KCNIP4: variants seen among roughly 807,000 people sequenced by gnomAD.
KCNIP4 encodes the protein potassium voltage-gated channel interacting protein 4, also known as Kv channel-interacting protein 4.
A neutral mutation model predicts 34.0 loss-of-function variants in KCNIP4; 12 were observed. The observed-to-expected ratio is 0.35, with a 90% confidence interval of 0.23 to 0.57. KCNIP4 has a LOEUF of 0.57. Ranked by LOEUF, KCNIP4 falls within the 20% of genes least tolerant of loss-of-function variation. The pLI is 0.83. For missense variants in KCNIP4, 238 were observed against 311.7 expected, an observed-to-expected ratio of 0.76 and a Z score of 1.78; for synonymous variants, 124 against 102.2, an observed-to-expected ratio of 1.21 and a Z score of -1.29.
chr4:21,389,439 A>C (rs949838634), intron 1 of KCNIP4, among the ~76,000 whole-genome samples: 1 of 141,108 alleles, frequency 7.1e-6, no homozygotes, highest in African/African-American at 2.6e-5. Flanking sequence ...TCTCCTAATG[A>C]TATCCCTCCC....
chr4:20,868,609 T>C (rs1017307589), intron 2 of KCNIP4, among the ~76,000 whole-genome samples: 6 of 151,908 alleles, frequency 3.9e-5, no homozygotes, highest in Non-Finnish European at 5.9e-5. Context: ...CAGTGGTAGA[T>C]TGGATTAAGA....
chr4:21,383,247 C>T (rs1434027670), intron 1 of KCNIP4, among the ~76,000 whole-genome samples: 3 of 152,058 alleles, frequency 2.0e-5, no homozygotes, highest in Non-Finnish European at 4.4e-5. Context: ...GTGTTTATGC[C>T]ACACAGTCTG....
intron 1 of KCNIP4, among the ~76,000 whole-genome samples, chr4:21,589,264 A>ATATATAT (rs1221997723): frequency 7.7e-6 from 1 of 130,380 alleles, no homozygotes; most frequent in African/African-American, 3.3e-5. Flanking sequence ...GTATCTATAC[A>ATATATAT]GATACATATA....
intron 1 of KCNIP4, among the ~76,000 whole-genome samples, chr4:21,468,154 G>A (rs577937691): frequency 6.6e-6 from 1 of 152,106 alleles, no homozygotes; most frequent in East Asian, 1.9e-4. Flanking sequence ...CCTATTCCCA[G>A]ATATAAAGTC....
At chr4:21,096,615 G>A (rs1468787779) in intron 1 of KCNIP4, among the ~76,000 whole-genome samples, 3 of 151,966 alleles carry the variant, frequency 2.0e-5, no homozygotes, top group South Asian at 2.1e-4. Context: ...TTGGTTCTTC[G>A]AGAATTATTT....
At chr4:21,219,768 CAT>C (rs765179960) in intron 1 of KCNIP4, among the ~76,000 whole-genome samples, 2 of 151,434 alleles carry the variant, frequency 1.3e-5, no homozygotes, top group African/African-American at 2.4e-5. Context: ...TACTTTGAAA[CAT>C]ATAAGCACTA....
chr4:21,208,960 A>T (rs1333599859), intron 1 of KCNIP4, among the ~76,000 whole-genome samples: 1 of 152,082 alleles, frequency 6.6e-6, no homozygotes, highest in African/African-American at 2.4e-5. Flanking sequence ...CTCACTCTCT[A>T]TAAAGAGAAC....
chr4:21,861,258 A>T (rs1040877729), intron 1 of KCNIP4, among the ~76,000 whole-genome samples: 2 of 152,216 alleles, frequency 1.3e-5, no homozygotes, highest in Non-Finnish European at 2.9e-5. Flanking sequence ...CACTGGTTTC[A>T]AGGGATATGA....
chr4:21,104,541 G>T (rs552333902), intron 1 of KCNIP4, among the ~76,000 whole-genome samples: 3 of 152,134 alleles, frequency 2.0e-5, no homozygotes, highest in South Asian at 2.1e-4. Context: ...CCATTCTATA[G>T]GTTGCCTGTT....
chr4:21,477,584 T>G (rs534473675), intron 1 of KCNIP4, among the ~76,000 whole-genome samples: 1 of 152,212 alleles, frequency 6.6e-6, no homozygotes, highest in African/African-American at 2.4e-5. Flanking sequence ...CAAAGGTGAA[T>G]ATATATATAA....
At chr4:20,918,968 G>A (rs1382541863) in intron 1 of KCNIP4, among the ~76,000 whole-genome samples, 2 of 152,190 alleles carry the variant, frequency 1.3e-5, no homozygotes, top group Non-Finnish European at 2.9e-5. Flanking sequence ...ACATACCAAA[G>A]GGGCCTTTAG....
intron 1 of KCNIP4, among the ~76,000 whole-genome samples, chr4:20,978,682 T>C (rs1735722617): frequency 6.6e-6 from 1 of 152,180 alleles, no homozygotes; most frequent in South Asian, 2.1e-4. Flanking sequence ...CACCATGGAG[T>C]CATCTCTGAT....
At chr4:21,891,529 G>A (rs1727091013) in intron 1 of KCNIP4, among the ~76,000 whole-genome samples, 1 of 152,024 alleles carries the variant, frequency 6.6e-6, no homozygotes, top group Non-Finnish European at 1.5e-5. Flanking sequence ...CTCTGAGCAG[G>A]GTGACAGATT....
chr4:20,818,353 T>C (rs1337032823), intron 3 of KCNIP4, among the ~76,000 whole-genome samples: 1 of 152,160 alleles, frequency 6.6e-6, no homozygotes, highest in African/African-American at 2.4e-5. Flanking sequence ...AAAATGACAG[T>C]CTAAGAAGGA....
At chr4:20,826,478 G>T (rs544626973) in intron 3 of KCNIP4, among the ~76,000 whole-genome samples, 19 of 151,796 alleles carry the variant, frequency 1.3e-4, no homozygotes, top group Middle Eastern at 3.4e-3. Flanking sequence ...CTAGCTACTC[G>T]GGAGGTTGAG....
At position 21,624,425 on chromosome 4, in the gene KCNIP4, G is replaced by A. The variant is rs528806868; in HGVS notation, c.61+324146C>T. Among the ~76,000 whole-genome samples the A allele has an allele frequency of 2.0e-5, 3 of 152,078 alleles. No homozygotes were observed. In the South Asian group the frequency reaches 6.2e-4, roughly 32 times the overall value. ...TCACCACAACTCAAAAAAATAAGTG[G>A]GTGTGGAATAGATGACCTTCGACCT... On this transcript the variant is annotated intron_variant, in intron 1 of 8. Coordinates refer to ENST00000382152, the MANE Select transcript of KCNIP4 (RefSeq NM_025221.6).
chr4:21,495,295 C>T (rs1405490785), intron 1 of KCNIP4, among the ~76,000 whole-genome samples: 1 of 152,122 alleles, frequency 6.6e-6, no homozygotes, highest in African/African-American at 2.4e-5. Context: ...CTCCACAGTG[C>T]ACCTGATTTT....
At chr4:20,891,106 A>G (rs527792207) in intron 1 of KCNIP4, among the ~76,000 whole-genome samples, 15 of 152,338 alleles carry the variant, frequency 9.8e-5, no homozygotes, top group Admixed American at 4.6e-4. Context: ...AGTACAGCAG[A>G]TAGCAAAAAC....
chr4:21,394,335 C>T (rs1397887160), intron 1 of KCNIP4, among the ~76,000 whole-genome samples: 1 of 152,128 alleles, frequency 6.6e-6, no homozygotes, highest in Admixed American at 6.6e-5. Flanking sequence ...GACAGTCTAC[C>T]CTCTACTTCT....
Sources: allele counts gnomAD v4.1 joint callset (sites outside exome capture counted in the v4.1 genomes callset), GRCh38; gene constraint gnomAD v4.1.1; transcripts MANE v1.5; gene names NCBI Gene and HGNC (gene_info 2026-07-23, HGNC 2026-07-21).